The following NDST4 variants were observed in gnomAD, a reference collection of about 807,000 sequenced individuals.
The protein encoded by NDST4 is N-heparan sulfate sulfotransferase 4.
A neutral mutation model predicts 100.8 loss-of-function variants in NDST4; 63 were observed. The observed-to-expected ratio is 0.62, with a 90% CI of 0.51 to 0.77. The LOEUF is 0.77. NDST4 is among the 30% of genes least tolerant of loss of function. NDST4 has a pLI of 0.00. For synonymous variants in NDST4, 377 were observed against 361.8 expected (o/e 1.04, Z -0.48); for missense variants, 943 against 1,018.4 (o/e 0.93, Z 1.01).
chr4:114,876,965 A>G (rs1724266645), intron 6 of NDST4, among the ~76,000 whole-genome samples: 1 of 152,192 alleles, frequency 6.6e-6, no homozygotes, highest in Non-Finnish European at 1.5e-5. Context: ...CTGAGTTTAT[A>G]TAGGGAATTC....
intron 1 of NDST4, among the ~76,000 whole-genome samples, chr4:115,083,905 C>A (rs1175767184): frequency 1.3e-5 from 2 of 152,052 alleles, no homozygotes; most frequent in Non-Finnish European, 2.9e-5. Context: ...GGTGTTTCTT[C>A]ATAGAAGCGT....
intron 8 of NDST4, among the ~76,000 whole-genome samples, chr4:114,851,805 T>G (rs1723681359): frequency 6.6e-6 from 1 of 152,160 alleles, no homozygotes; most frequent in South Asian, 2.1e-4. Context: ...TTTATATTCC[T>G]AGAGAAAGAA....
At chr4:115,005,804 G>A (rs940838106) in intron 2 of NDST4, among the ~76,000 whole-genome samples, 2 of 151,974 alleles carry the variant, frequency 1.3e-5, no homozygotes, top group Non-Finnish European at 2.9e-5. Context: ...TGGCTGAGGT[G>A]GGTGGAAGAC....
intron 7 of NDST4, among the ~76,000 whole-genome samples, chr4:114,857,604 A>G (rs72893346): frequency 0.038 from 5,763 of 152,280 alleles, 335 homozygotes; most frequent in African/African-American, 0.13. Context: ...GAAGACTAAA[A>G]TGGACTTTGG....
chr4:114,834,763 A>G (rs1350328286), intron 11 of NDST4, among the ~76,000 whole-genome samples: 1 of 152,196 alleles, frequency 6.6e-6, no homozygotes, highest in Non-Finnish European at 1.5e-5. Flanking sequence ...GTGGTAGGCT[A>G]TTAATTACTG....
chr4:115,055,278 GTAA>G (rs1438387702), intron 2 of NDST4, among the ~76,000 whole-genome samples: 1 of 151,974 alleles, frequency 6.6e-6, no homozygotes, highest in African/African-American at 2.4e-5. Context: ...ATATTACAAT[GTAA>G]TAATAATAGA....
At chr4:114,887,248 G>A (rs370048854) in intron 6 of NDST4, among the ~76,000 whole-genome samples, 1 of 152,126 alleles carries the variant, frequency 6.6e-6, no homozygotes, top group East Asian at 1.9e-4. Flanking sequence ...TTGGAAAGTG[G>A]CAGCAAACTC....
chr4:114,982,936 A>AGGT (rs1718773379), intron 2 of NDST4, among the ~76,000 whole-genome samples: 1 of 152,202 alleles, frequency 6.6e-6, no homozygotes, highest in African/African-American at 2.4e-5. Context: ...AAACGGGTCA[A>AGGT]GGTACAGCTC....
At chr4:114,893,938 G>T (rs1424357248) in intron 6 of NDST4, among the ~76,000 whole-genome samples, 1 of 152,156 alleles carries the variant, frequency 6.6e-6, no homozygotes, top group Non-Finnish European at 1.5e-5. Context: ...AAGGGGTCCA[G>T]TTTCAGTTTT....
chr4:115,103,305 T>A (rs1273555736), intron 1 of NDST4, among the ~76,000 whole-genome samples: 6 of 152,160 alleles, frequency 3.9e-5, no homozygotes, highest in African/African-American at 1.4e-4. Context: ...GATGAATGAA[T>A]GAAGAATGTA....
chr4:114,907,499 G>A (rs1200828814), intron 6 of NDST4, among the ~76,000 whole-genome samples: 1 of 152,078 alleles, frequency 6.6e-6, no homozygotes, highest in Non-Finnish European at 1.5e-5. Flanking sequence ...CTTAATAAAT[G>A]TTATGATTTT....
At chr4:115,080,323 G>A (rs1299375074) in intron 1 of NDST4, among the ~76,000 whole-genome samples, 1 of 152,082 alleles carries the variant, frequency 6.6e-6, no homozygotes, top group African/African-American at 2.4e-5. Context: ...TTTTAGTAGA[G>A]ACTGGGTTTC....
intron 2 of NDST4, among the ~76,000 whole-genome samples, chr4:115,017,094 G>A (rs765461759): frequency 1.3e-5 from 2 of 151,610 alleles, no homozygotes; most frequent in East Asian, 1.9e-4. Context: ...AAATTGTATT[G>A]TTCAATTAGT....
intron 2 of NDST4, among the ~76,000 whole-genome samples, chr4:115,065,350 G>C (rs1185538838): frequency 6.6e-6 from 1 of 152,128 alleles, no homozygotes; most frequent in Non-Finnish European, 1.5e-5. Context: ...AGGTGCAGAA[G>C]TTAAGATTCA....
In NDST4 at chr4:115,009,426, C is replaced by A. The variant is rs1200082023; in HGVS notation, c.979-32152G>T. On this transcript the variant is annotated intron_variant, in intron 2 of 13. Transcript: ENST00000264363. Reference sequence around the variant, plus strand: ...CCTTGACAAACCTGAGAAAAACAAGCAATGGGGAAAGGATTCCCTATTTAA... The same window carrying A: ...CCTTGACAAACCTGAGAAAAACAAGAAATGGGGAAAGGATTCCCTATTTAA... Among the ~76,000 whole-genome samples the A allele has an allele frequency of 1.6e-5, 2 of 127,538 alleles. 1 individual carries two copies. The highest frequency in any genetic ancestry group is 3.3e-5 in the Non-Finnish European group (2 of 60,054). The allele number at this position is 127,538 out of a possible 152,430, so 83.7% of individuals were successfully genotyped here. A position where few individuals can be genotyped will look rare whatever the true frequency, so the allele number is the denominator to read the frequency against.
At chr4:115,091,232 T>G (rs1414615434) in intron 1 of NDST4, among the ~76,000 whole-genome samples, 1 of 152,100 alleles carries the variant, frequency 6.6e-6, no homozygotes, top group Non-Finnish European at 1.5e-5. Flanking sequence ...TATGCATTTG[T>G]TTTGGCAAAA....
At chr4:115,007,697 CA>C (rs1578448386) in intron 2 of NDST4, among the ~76,000 whole-genome samples, 1 of 129,076 alleles carries the variant, frequency 7.7e-6, no homozygotes, top group East Asian at 2.5e-4. Context: ...CACACAAAAA[CA>C]AACCAAAATA....
At chr4:114,861,742 A>G (rs16997326) in intron 7 of NDST4, among the ~76,000 whole-genome samples, 15,502 of 152,010 alleles carry the variant, frequency 0.1, 1,078 homozygotes, top group African/African-American at 0.18. Flanking sequence ...TATAATCCTA[A>G]TTTAACACAT....
chr4:114,980,034 G>T (rs1726730920), intron 2 of NDST4, among the ~76,000 whole-genome samples: 2 of 151,868 alleles, frequency 1.3e-5, no homozygotes, highest in South Asian at 4.1e-4. Context: ...ATTTAAAAGA[G>T]AAAAGTGCTA....
Sources: gnomAD v4.1 joint callset for allele counts (sites outside exome capture counted in the v4.1 genomes callset) on GRCh38, gnomAD v4.1.1 for gene constraint, MANE v1.5 for transcripts, NCBI Gene and HGNC (gene_info 2026-07-23, HGNC 2026-07-21) for gene names.